SOX6: variants seen among roughly 807,000 people sequenced by gnomAD.
SOX6 encodes the protein SRY-box transcription factor 6, also known as transcription factor SOX-6.
Under a neutral mutation model 97.8 loss-of-function variants are expected in SOX6, and 11 were observed. The observed-to-expected ratio is 0.11, with a 90% confidence interval of 0.07 to 0.19. The LOEUF is 0.19. SOX6 is among the 10% of genes least tolerant of loss of function. The pLI is 1.00. For synonymous variants in SOX6, 360 were observed against 371.4 expected, an observed-to-expected ratio of 0.97 and a Z score of 0.35; for missense variants, 810 against 1,039.5, an observed-to-expected ratio of 0.78 and a Z score of 3.04.
At chr11:16,263,087 T>G (rs1320440788) in intron 3 of SOX6, among the ~76,000 whole-genome samples, 1 of 151,902 alleles carries the variant, frequency 6.6e-6, no homozygotes, top group African/African-American at 2.4e-5. Flanking sequence ...CATCTGCAGG[T>G]AAAGTAAGCA....
chr11:16,692,100 C>T (rs1848019493), intron 3 of SOX6, among the ~76,000 whole-genome samples: 1 of 146,074 alleles, frequency 6.8e-6, no homozygotes, highest in Non-Finnish European at 1.5e-5. Flanking sequence ...CGCGCGCGCG[C>T]TTTCTGAGTC....
intron 4 of SOX6, among the ~76,000 whole-genome samples, chr11:16,580,838 T>C (rs573466718): frequency 1.1e-4 from 16 of 152,044 alleles, no homozygotes; most frequent in Non-Finnish European, 7.4e-5. Flanking sequence ...CAACAACATA[T>C]GAAAAAAAGC....
chr11:16,600,382 G>T (rs1316741353), intron 4 of SOX6, among the ~76,000 whole-genome samples: 1 of 152,110 alleles, frequency 6.6e-6, no homozygotes, highest in Non-Finnish European at 1.5e-5. Context: ...GGCTAATATT[G>T]GTGTAAAGTT....
intron 4 of SOX6, among the ~76,000 whole-genome samples, chr11:16,525,411 G>A (rs1354977487): frequency 6.6e-6 from 1 of 151,772 alleles, no homozygotes. Context: ...AATGGTGCTG[G>A]GAAAACTGGC....
intron 4 of SOX6, among the ~76,000 whole-genome samples, chr11:16,230,287 T>C (rs1448297214): frequency 1.4e-5 from 2 of 146,990 alleles, no homozygotes; most frequent in Admixed American, 6.9e-5. Flanking sequence ...CTTAATATTA[T>C]TCTTGGCATT....
intron 4 of SOX6, among the ~76,000 whole-genome samples, chr11:16,521,507 T>C (rs887819188): frequency 6.6e-6 from 1 of 151,758 alleles, no homozygotes; most frequent in African/African-American, 2.4e-5. Flanking sequence ...AGACCAAAAG[T>C]AGATAAAACC....
intron 3 of SOX6, among the ~76,000 whole-genome samples, chr11:16,657,561 A>G (rs1227050075): frequency 6.6e-6 from 1 of 152,238 alleles, no homozygotes; most frequent in African/African-American, 2.4e-5. Context: ...CATTCCAATG[A>G]ACAATGAATG....
intron 3 of SOX6, among the ~76,000 whole-genome samples, chr11:16,698,738 G>A (rs1243537036): frequency 6.6e-6 from 1 of 152,162 alleles, no homozygotes; most frequent in Non-Finnish European, 1.5e-5. Flanking sequence ...TGTGTTTCAG[G>A]GAATAGAGAG....
At chr11:16,730,004 G>A (rs1047398266) in intron 2 of SOX6, among the ~76,000 whole-genome samples, 2 of 146,064 alleles carry the variant, frequency 1.4e-5, no homozygotes, top group East Asian at 2.0e-4. Context: ...AGGAATCAAT[G>A]CAACAAGAAG....
At chr11:16,015,174 CT>C in intron 12 of SOX6, 124 bp from the exon 13 acceptor site, 1 of 818,754 alleles carries the variant, frequency 1.2e-6, no homozygotes, top group East Asian at 2.7e-5. Context: ...CCAATGTGGA[CT>C]CTGAAAATCT....
intron 5 of SOX6, among the ~76,000 whole-genome samples, chr11:16,186,195 G>T (rs1851469525): frequency 6.6e-6 from 1 of 152,128 alleles, no homozygotes; most frequent in Admixed American, 6.5e-5. Flanking sequence ...TGTATTCAAT[G>T]ACTTACCTAT....
At chr11:16,544,442 G>T (rs1024349249) in intron 4 of SOX6, among the ~76,000 whole-genome samples, 3 of 151,970 alleles carry the variant, frequency 2.0e-5, no homozygotes, top group African/African-American at 2.4e-5. Context: ...AAAACTTTCA[G>T]AGAGAAGGCA....
chr11:16,364,292 C>T (rs1321862752), intron 1 of SOX6, among the ~76,000 whole-genome samples: 1 of 152,078 alleles, frequency 6.6e-6, no homozygotes, highest in Non-Finnish European at 1.5e-5. Context: ...TCAGGACTTA[C>T]AGGATAAGCC....
chr11:16,607,314 C>G lies in SOX6; in HGVS notation n.609+4767G>C, dbSNP rs1296740944. ...GCGCGCCCTGGCTCTGCCTCCCTCGCTCTCGAGATCGCTCGCTCCGTCCCG... is the reference window on the plus strand; with the variant it reads ...GCGCGCCCTGGCTCTGCCTCCCTCGGTCTCGAGATCGCTCGCTCCGTCCCG... On this transcript the variant is annotated intron_variant and non_coding_transcript_variant, in intron 4 of 5. Transcript: ENST00000524520. The surrounding 1 kb of genome is among the most constrained non-coding windows in gnomAD (Gnocchi z 6.5). 2.0e-5 allele frequency: 3 copies of G among 152,854 alleles called. No individual in the cohort carries two copies. Among genetic ancestry groups the G allele is most frequent in the African/African-American group, 7.2e-5 (3 of 41,474 alleles). The allele number at this position is 152,854 out of a possible 1,614,324, so 9.5% of individuals were successfully genotyped here.
rs373603486 is a variant in SOX6 at position 16,583,491 on chromosome 11, G to A, written n.609+28590C>T. On this transcript the variant is annotated intron_variant and non_coding_transcript_variant, in intron 4 of 5. Coordinates refer to the SOX6 transcript ENST00000524520. ...CCACTATTCTACTGTCTACTTTTAT[G>A]AGATCAACTTTTTCAGCTTCCATAT... is the stretch of plus-strand genomic sequence containing the variant. Among the ~76,000 whole-genome samples, 4 of 150,418 alleles carry A rather than the reference G, an allele frequency of 2.7e-5. No homozygotes were observed. In the East Asian group the frequency reaches 7.8e-4, roughly 29 times the overall value.
chr11:16,040,363 T>C (rs1384834075), intron 12 of SOX6, among the ~76,000 whole-genome samples: 1 of 152,010 alleles, frequency 6.6e-6, no homozygotes, highest in East Asian at 1.9e-4. Context: ...ACCAATCAAG[T>C]AGTCCTGACA....
intron 6 of SOX6, among the ~76,000 whole-genome samples, chr11:16,113,528 C>T (rs550424708): frequency 6.6e-6 from 1 of 152,230 alleles, no homozygotes; most frequent in Admixed American, 6.5e-5. Flanking sequence ...GCTTGTTGTA[C>T]CCTGATGCAA....
chr11:16,270,215 T>C (rs1854210796), intron 3 of SOX6: 1 of 151,346 alleles, frequency 6.6e-6, no homozygotes, highest in African/African-American at 2.4e-5. Flanking sequence ...TATCTACAAA[T>C]GGCCAAGATG....
chr11:16,317,665 A>G (rs1355064125), intron 3 of SOX6: 1 of 152,784 alleles, frequency 6.5e-6, no homozygotes, highest in African/African-American at 2.4e-5. Context: ...TCAAATCCCA[A>G]TTTGTCTATA....
Sources: gnomAD v4.1 joint callset for allele counts (sites outside exome capture counted in the v4.1 genomes callset) on GRCh38, gnomAD v4.1.1 for gene constraint, Gnocchi (gnomAD v3.1) non-coding constraint, MANE v1.5 for transcripts, NCBI Gene and HGNC (gene_info 2026-07-23, HGNC 2026-07-21) for gene names.